LUZP2: variants seen among roughly 807,000 people sequenced by gnomAD.
The protein encoded by LUZP2 is leucine zipper protein 2.
Under a neutral mutation model 51.6 loss-of-function variants are expected in LUZP2, and 52 were observed. The ratio of observed to expected loss-of-function variants is 1.01; its 90% CI spans 0.81 to 1.27. The LOEUF is 1.27. Ranked by LOEUF, LUZP2 falls within the 50% of genes most tolerant of loss-of-function variation. The pLI is 0.00. For missense variants in LUZP2, 436 were observed against 395.4 expected (o/e 1.10, Z -0.87); for synonymous variants, 154 against 137.3 (o/e 1.12, Z -0.85).
chr11:24,854,288 G>T (rs1590642943), intron 5 of LUZP2, among the ~76,000 whole-genome samples: 1 of 152,202 alleles, frequency 6.6e-6, no homozygotes, highest in Admixed American at 6.5e-5. Flanking sequence ...CCTGACTGAG[G>T]CTGCTGCCTT....
intron 5 of LUZP2, among the ~76,000 whole-genome samples, chr11:24,803,694 G>T (rs1849764001): frequency 6.6e-6 from 1 of 152,046 alleles, no homozygotes; most frequent in Non-Finnish European, 1.5e-5. Flanking sequence ...GATGAACTTT[G>T]AGAACATTAT....
At chr11:24,830,651 G>A (rs555177540) in intron 5 of LUZP2, among the ~76,000 whole-genome samples, 1 of 152,198 alleles carries the variant, frequency 6.6e-6, no homozygotes, top group South Asian at 2.1e-4. Context: ...CGCAATTTTA[G>A]AGACAAAAAA....
intron 9 of LUZP2, among the ~76,000 whole-genome samples, chr11:25,001,369 T>C (rs1856676684): frequency 6.6e-6 from 1 of 152,208 alleles, no homozygotes; most frequent in African/African-American, 2.4e-5. Flanking sequence ...ACGTCTTTTT[T>C]CCTTAATCGC....
At chr11:24,821,031 G>T (rs558034048) in intron 5 of LUZP2, among the ~76,000 whole-genome samples, 15 of 152,070 alleles carry the variant, frequency 9.9e-5, no homozygotes, top group Admixed American at 2.0e-4. Context: ...GAATATTTTG[G>T]AATGTCTTTT....
intron 7 of LUZP2, among the ~76,000 whole-genome samples, chr11:24,922,487 A>G (rs1854090750): frequency 6.6e-6 from 1 of 152,338 alleles, no homozygotes; most frequent in Admixed American, 6.5e-5. Context: ...TCATTAATTT[A>G]AACTTATGTC....
At chr11:24,923,444 C>A (rs2133819822) in intron 7 of LUZP2, among the ~76,000 whole-genome samples, 1 of 152,002 alleles carries the variant, frequency 6.6e-6, no homozygotes, top group South Asian at 2.1e-4. Flanking sequence ...CGCCTGTAAT[C>A]CTGGCACTTT....
intron 7 of LUZP2, among the ~76,000 whole-genome samples, chr11:24,957,534 C>T (rs2133872373): frequency 6.6e-6 from 1 of 152,018 alleles, no homozygotes. Flanking sequence ...CTCTATTTAC[C>T]ACCGTCCAAC....
intron 1 of LUZP2, among the ~76,000 whole-genome samples, chr11:24,584,470 A>T (rs1852989112): frequency 6.6e-6 from 1 of 152,186 alleles, no homozygotes; most frequent in Admixed American, 6.5e-5. Context: ...CCATTCTGTA[A>T]TTATATATCT....
At chr11:24,942,622 A>C (rs1454593013) in intron 7 of LUZP2, among the ~76,000 whole-genome samples, 1 of 152,154 alleles carries the variant, frequency 6.6e-6, no homozygotes, top group Non-Finnish European at 1.5e-5. Context: ...TCTAAATAAT[A>C]GTTCTTTATC....
At chr11:24,701,075 T>G (rs1857407048) in intron 1 of LUZP2, among the ~76,000 whole-genome samples, 1 of 152,204 alleles carries the variant, frequency 6.6e-6, no homozygotes, top group African/African-American at 2.4e-5. Flanking sequence ...GTTTTTGTGT[T>G]GCTATACAGA....
chr11:24,971,019 A>G (rs757277581), intron 7 of LUZP2, among the ~76,000 whole-genome samples: 3 of 152,218 alleles, frequency 2.0e-5, no homozygotes, highest in South Asian at 2.1e-4. Context: ...GATGGAGGCC[A>G]TAATCCTAAG....
At chr11:25,014,720 A>C (rs978738665) in intron 9 of LUZP2, among the ~76,000 whole-genome samples, 34 of 152,112 alleles carry the variant, frequency 2.2e-4, no homozygotes, top group African/African-American at 7.5e-4. Flanking sequence ...CTCTGATGGT[A>C]GTTTCTTTTG....
At chr11:24,792,712 A>G (rs1345599725) in intron 5 of LUZP2, among the ~76,000 whole-genome samples, 9 of 152,132 alleles carry the variant, frequency 5.9e-5, no homozygotes, top group South Asian at 2.1e-4. Flanking sequence ...CTAAACAAAA[A>G]TCTTCTTTTA....
At chr11:24,814,152 AT>A (rs756164723) in intron 5 of LUZP2, among the ~76,000 whole-genome samples, 7 of 152,210 alleles carry the variant, frequency 4.6e-5, no homozygotes, top group Non-Finnish European at 8.8e-5. Flanking sequence ...TTCTCTTCTT[AT>A]CTTCAGGCGA....
Position 24,793,267 on chromosome 11 carries a change from T to C in LUZP2, c.396+29959T>C, listed in dbSNP as rs1248890052. On this transcript the variant is annotated intron_variant, in intron 5 of 11. Coordinates refer to ENST00000336930, the MANE Select transcript of LUZP2 (RefSeq NM_001009909.4). ...CTTAAAATATGGCACTATTCAGCTT[T>C]GTAGATGCATCATAAATGATATGGT... Among the ~76,000 whole-genome samples the C allele has an allele frequency of 3.9e-5, 6 of 152,290 alleles. No homozygotes were observed. In the East Asian group the frequency reaches 9.7e-4, roughly 25 times the overall value.
At chr11:24,853,471 A>G (rs948201358) in intron 5 of LUZP2, among the ~76,000 whole-genome samples, 1 of 152,048 alleles carries the variant, frequency 6.6e-6, no homozygotes, top group African/African-American at 2.4e-5. Context: ...CAGCTCCATC[A>G]GGTTATTTAT....
chr11:24,788,670 A>G (rs1436035504), intron 5 of LUZP2, among the ~76,000 whole-genome samples: 1 of 152,068 alleles, frequency 6.6e-6, no homozygotes, highest in African/African-American at 2.4e-5. Context: ...AATACTATTT[A>G]TTTTCAATAA....
intron 1 of LUZP2, among the ~76,000 whole-genome samples, chr11:24,673,102 C>G (rs1049643521): frequency 1.3e-5 from 2 of 152,138 alleles, no homozygotes; most frequent in African/African-American, 4.8e-5. Context: ...CCACCCCCAC[C>G]CTTCCTCCAT....
At chr11:25,074,631 A>T (rs1590900980) in intron 10 of LUZP2, among the ~76,000 whole-genome samples, 1 of 152,316 alleles carries the variant, frequency 6.6e-6, no homozygotes, top group Non-Finnish European at 1.5e-5. Context: ...ATTTTAGGTC[A>T]AAGATATTCA....
Sources: gnomAD v4.1 joint callset for allele counts (sites outside exome capture counted in the v4.1 genomes callset) on GRCh38, gnomAD v4.1.1 for gene constraint, MANE v1.5 for transcripts, NCBI Gene and HGNC (gene_info 2026-07-23, HGNC 2026-07-21) for gene names.